COL4A4: variants seen among roughly 807,000 people sequenced by gnomAD.
COL4A4 encodes collagen alpha-4(IV) chain.
COL4A4 carries 105 observed loss-of-function variants against 192.9 expected under a neutral mutation model. The observed-to-expected ratio is 0.54, with a 90% CI of 0.46 to 0.64. The LOEUF (loss-of-function observed/expected upper bound fraction) is 0.64. Ranked by LOEUF, COL4A4 falls within the 30% of genes least tolerant of loss-of-function variation. The pLI, the probability that COL4A4 is intolerant of heterozygous loss-of-function variation, is 0.00. For missense variants in COL4A4, 1,967 were observed against 2,169.3 expected, an observed-to-expected ratio of 0.91 and a Z score of 1.85; for synonymous variants, 762 against 769.9, an observed-to-expected ratio of 0.99 and a Z score of 0.17.
In COL4A4 at chr2:227,014,227, A is replaced by G. The variant is rs1304375218; in HGVS notation, c.4217-1930T>C. The stretch of plus-strand genomic sequence containing the variant: ...CAATGACACGGTCCTACTGCTCCTG[A>G]GAACAGAACCCCAATGACATTCTGG... On this transcript the variant is annotated intron_variant, in intron 44 of 47. Transcript: ENST00000396625. Among the ~76,000 whole-genome samples the G allele has an allele frequency of 2.0e-5, 3 of 152,178 alleles. No homozygotes were observed. The East Asian group carries it at 5.8e-4, about 29-fold the overall frequency.
At position 227,077,879 on chromosome 2, in the gene COL4A4, T is replaced by A. The variant is rs918968731; in HGVS notation, c.1987+15A>T. On this transcript the variant is annotated intron_variant, in intron 25 of 47. Transcript: ENST00000396625. ...CCCAAAGCTATTGAAATAAATAAAA[T>A]TTTTTTAAAATTACCTTTCTGACCC... The A allele has an allele frequency of 4.4e-6, 7 of 1,607,520 alleles. No homozygotes were observed. Among genetic ancestry groups the A allele is most frequent in the East Asian group, 2.2e-5 (1 of 44,794 alleles).
intron 37 of COL4A4, 116 bp downstream of exon 37, chr2:227,042,032 G>A (rs533322453): frequency 5.0e-5 from 39 of 776,180 alleles, no homozygotes; most frequent in African/African-American, 3.6e-4. Context: ...TGGCACCTAC[G>A]GAAAAGAGTG....
At chr2:227,007,644 C>T (rs1962454525) in intron 47 of COL4A4, 56 bp from the exon 48 acceptor site, 31 of 1,608,588 alleles carry the variant, frequency 1.9e-5, no homozygotes, top group Non-Finnish European at 2.6e-5. Context: ...AACCCCAGAC[C>T]CAATCAGGGA....
At chr2:227,059,771 G>A (rs1424355439) in intron 27 of COL4A4, 148 bp from the exon 28 acceptor site, 2 of 708,758 alleles carry the variant, frequency 2.8e-6, no homozygotes, top group Non-Finnish European at 4.9e-6. Context: ...ATGTTGTTTT[G>A]CCACCTTTTG....
At chr2:227,126,867 T>A (rs942863629) in intron 4 of COL4A4, among the ~76,000 whole-genome samples, 7 of 152,244 alleles carry the variant, frequency 4.6e-5, no homozygotes, top group African/African-American at 1.7e-4. Flanking sequence ...AAAGAACTTG[T>A]GCTTACAGGT....
intron 9 of COL4A4, 95 bp from the exon 10 acceptor site, chr2:227,109,381 T>G: frequency 9.6e-7 from 1 of 1,046,320 alleles, no homozygotes; most frequent in Non-Finnish European, 1.5e-6. Context: ...TAAAAACCTC[T>G]AAAGAAATCA....
At chr2:227,008,772 A>AG (rs1962793745) in intron 46 of COL4A4, among the ~76,000 whole-genome samples, 1 of 152,194 alleles carries the variant, frequency 6.6e-6, no homozygotes, top group South Asian at 2.1e-4. Flanking sequence ...ATACCGTCAG[A>AG]GGGGGTTGGA....
chr2:227,079,790 C>T (rs2059221721), intron 24 of COL4A4, among the ~76,000 whole-genome samples: 1 of 152,168 alleles, frequency 6.6e-6, no homozygotes, highest in African/African-American at 2.4e-5. Flanking sequence ...TTGAGGAAAC[C>T]ATCTAGTCTG....
In COL4A4 at chr2:227,119,881, T is replaced by G. The variant is rs200186602; in HGVS notation, c.372+14A>C. On this transcript the variant is annotated intron_variant, in intron 6 of 47. Coordinates refer to ENST00000396625, the MANE Select transcript of COL4A4 (RefSeq NM_000092.5). ...CCTTTTTGAAAAAAGTGGAGAAAAT[T>G]TAGGGATACTTACAGGTATGCCATC... 38 of 1,573,696 alleles carry G rather than the reference T, an allele frequency of 2.4e-5. No homozygotes were observed. Among genetic ancestry groups the G allele is most frequent in the Non-Finnish European group, 3.3e-5 (38 of 1,157,892 alleles).
intron 4 of COL4A4, among the ~76,000 whole-genome samples, chr2:227,121,509 A>G (rs1408825509): frequency 6.8e-6 from 1 of 148,146 alleles, no homozygotes; most frequent in African/African-American, 2.5e-5. Context: ...GGTTGCAGTG[A>G]GCTGATCGCA....
At chr2:227,145,744 A>G (rs2063508041) in intron 2 of COL4A4, among the ~76,000 whole-genome samples, 1 of 152,184 alleles carries the variant, frequency 6.6e-6, no homozygotes, top group African/African-American at 2.4e-5. Context: ...AGATGCCGAC[A>G]GACACTACAG....
At chr2:227,008,389 C>G in intron 46 of COL4A4, 85 bp from the exon 47 acceptor site, 5 of 1,464,180 alleles carry the variant, frequency 3.4e-6, no homozygotes, top group Middle Eastern at 3.6e-4. Context: ...CTGGCCTTTG[C>G]AGATACGTGT....
Position 227,030,997 on chromosome 2 carries a change from AGATG to A in COL4A4, c.3818-403_3818-400del, listed in dbSNP as rs1170671778. ...GGATAGACGGTTGGATGGATAGATA[AGATG>A]GATGGATGGATGGATATGTGGATAG... is the stretch of plus-strand genomic sequence containing the variant. On this transcript the variant is annotated intron_variant, in intron 40 of 47. Transcript: ENST00000396625. 8.4e-5 allele frequency among the ~76,000 whole-genome samples: 12 copies of A among 143,654 alleles called. No individual in the cohort carries two copies. The East Asian group carries it at 1.2e-3, about 15-fold the overall frequency. The allele number at this position is 143,654 out of a possible 152,430, so 94.2% of individuals were successfully genotyped here. A position where few individuals can be genotyped will look rare whatever the true frequency, so the allele number is the denominator to read the frequency against.
At chr2:227,057,014 G>T (rs1369655739) in intron 29 of COL4A4, among the ~76,000 whole-genome samples, 7 of 152,182 alleles carry the variant, frequency 4.6e-5, no homozygotes, top group African/African-American at 1.4e-4. Context: ...CACTCCAGGG[G>T]TCTCTTGTGT....
intron 25 of COL4A4, among the ~76,000 whole-genome samples, chr2:227,067,984 GA>G (rs2058456881): frequency 2.8e-5 from 4 of 141,448 alleles, no homozygotes; most frequent in South Asian, 2.5e-4. Flanking sequence ...GACTAATAAA[GA>G]AAAAAAGAGA....
upstream of COL4A4, chr2:227,164,444 TC>T: frequency 1.9e-6 from 1 of 531,186 alleles, no homozygotes; most frequent in Non-Finnish European, 3.3e-6. The surrounding 1 kb of genome is among the most constrained non-coding windows in gnomAD (Gnocchi z 4.8). Context: ...CTTTCTCGCC[TC>T]CTGGGCACGA....
chr2:227,161,642 A>C (rs1399811419), intron 1 of COL4A4, among the ~76,000 whole-genome samples: 1 of 152,132 alleles, frequency 6.6e-6, no homozygotes, highest in Admixed American at 6.5e-5. Flanking sequence ...AACTTCTCAG[A>C]GTTTTAAGTA....
intron 33 of COL4A4, 71 bp downstream of exon 33, chr2:227,050,906 A>T: frequency 6.3e-7 from 1 of 1,580,204 alleles, no homozygotes; most frequent in South Asian, 1.1e-5. Flanking sequence ...GGCAAATTAT[A>T]GCTCCTTACG....
intron 25 of COL4A4, among the ~76,000 whole-genome samples, chr2:227,072,254 T>C (rs1270247851): frequency 6.6e-6 from 1 of 151,778 alleles, no homozygotes; most frequent in Non-Finnish European, 1.5e-5. Flanking sequence ...CAAAAGACCA[T>C]TCAAGACTAC....
Sources: gnomAD v4.1 joint callset for allele counts (sites outside exome capture counted in the v4.1 genomes callset) on GRCh38, gnomAD v4.1.1 for gene constraint, Gnocchi (gnomAD v3.1) non-coding constraint, MANE v1.5 for transcripts, NCBI Gene and HGNC (gene_info 2026-07-23, HGNC 2026-07-21) for gene names.